Variants in DAAM1 observed in about 807,000 individuals in gnomAD.
DAAM1 encodes disheveled-associated activator of morphogenesis 1.
Under a neutral mutation model 130.0 loss-of-function variants are expected in DAAM1, and 52 were observed. The observed-to-expected ratio is 0.40, with a 90% CI of 0.32 to 0.50. The LOEUF (loss-of-function observed/expected upper bound fraction) is 0.50, where lower values mean the gene tolerates loss of function less well. DAAM1 is among the 20% of genes least tolerant of loss of function. DAAM1 has a pLI of 0.61. For missense variants in DAAM1, 1,134 were observed against 1,303.8 expected, an observed-to-expected ratio of 0.87 and a Z score of 2.01; for synonymous variants, 452 against 444.5, an observed-to-expected ratio of 1.02 and a Z score of -0.21.
At chr14:59,206,880 A>G (rs1033479350) in intron 1 of DAAM1, among the ~76,000 whole-genome samples, 1 of 152,240 alleles carries the variant, frequency 6.6e-6, no homozygotes, top group Admixed American at 6.5e-5. Flanking sequence ...CTTATTTATC[A>G]TAGCTTGCAT....
chr14:59,202,260 T>C (rs1344777145), intron 1 of DAAM1, among the ~76,000 whole-genome samples: 1 of 152,210 alleles, frequency 6.6e-6, no homozygotes, highest in Admixed American at 6.5e-5. Context: ...TTTCCCTCAG[T>C]CTGTTTCATG....
At chr14:59,253,124 C>G (rs1222892293) in intron 1 of DAAM1, among the ~76,000 whole-genome samples, 1 of 152,154 alleles carries the variant, frequency 6.6e-6, no homozygotes, top group Admixed American at 6.5e-5. Context: ...TGTAAACCAT[C>G]TTAATTCACT....
intron 16 of DAAM1, 142 bp downstream of exon 16, chr14:59,340,322 G>T: frequency 1.4e-6 from 1 of 700,166 alleles, no homozygotes; most frequent in Non-Finnish European, 2.3e-6. Flanking sequence ...AATGAGAACA[G>T]CTCTTGGTGC....
intron 1 of DAAM1, among the ~76,000 whole-genome samples, chr14:59,258,979 T>A (rs1594784375): frequency 6.6e-6 from 1 of 152,326 alleles, no homozygotes; most frequent in African/African-American, 2.4e-5. Flanking sequence ...AACTTCATAT[T>A]CTTTTGTTTA....
Position 59,369,152 on chromosome 14 carries a change from G to C in DAAM1, c.*293G>C. ...TGAGTGTGGCTCATTTTCTTTCCCC[G>C]AACGCCATGACTGTTCAGAAGCACA... On this transcript the variant is annotated 3_prime_UTR_variant, in exon 25 of 25. Coordinates refer to ENST00000360909, the MANE Select transcript of DAAM1 (RefSeq NM_001270520.2). 1 of 269,834 alleles carries C rather than the reference G, an allele frequency of 3.7e-6. No homozygotes were observed. Among genetic ancestry groups the C allele is most frequent in the Non-Finnish European group, 7.0e-6 (1 of 141,932 alleles). The allele number at this position is 269,834 out of a possible 1,614,324, so 16.7% of individuals were successfully genotyped here.
rs761811745 is a variant in DAAM1, at chr14:59,322,978, G to A, written c.527G>A (p.Arg176Gln). Reference sequence around the variant, plus strand: ...ATGGACTACGAGACCTCAGAGTCTCGAATACATACTTCTCTCATTGGCTGT... The same window carrying A: ...ATGGACTACGAGACCTCAGAGTCTCAAATACATACTTCTCTCATTGGCTGT... Reference protein sequence around the residue: ...KTMDYETSESRIHTSLIGCIK... With the variant: ...KTMDYETSESQIHTSLIGCIK... Residue 176 changes from arginine (R) to glutamine (Q), a missense_variant, in exon 6 of 25, where the codon CGA becomes CAA. Transcript: ENST00000360909. 9.4e-5 allele frequency: 151 copies of A among 1,613,916 alleles called. No individual in the cohort carries two copies. Among genetic ancestry groups the A allele is most frequent in the South Asian group, 3.2e-4 (29 of 91,066 alleles).
intron 1 of DAAM1, among the ~76,000 whole-genome samples, chr14:59,218,667 A>T (rs1335532177): frequency 6.6e-6 from 1 of 152,188 alleles, no homozygotes; most frequent in African/African-American, 2.4e-5. Context: ...TTATTTTCTG[A>T]TGGCACACAC....
Position 59,369,736 on chromosome 14 carries a change from G to T in DAAM1, c.*877G>T, listed in dbSNP as rs925783009. Reference sequence around the variant, plus strand: ...CCAAGACTTAAAGGAAGAATTCTCTGAAGGGATAAAGATTACTAAAAAAAA... The same window carrying T: ...CCAAGACTTAAAGGAAGAATTCTCTTAAGGGATAAAGATTACTAAAAAAAA... On this transcript the variant is annotated 3_prime_UTR_variant, in exon 25 of 25. Transcript: ENST00000360909. 1 of 122,082 alleles carries T rather than the reference G, an allele frequency of 8.2e-6. No homozygotes were observed. Among genetic ancestry groups the T allele is most frequent in the African/African-American group, 3.0e-5 (1 of 32,920 alleles). 7.6% of individuals were successfully genotyped at this position (122,082 alleles called of 1,614,324 possible).
At chr14:59,291,144 G>A (rs1883724067) in intron 2 of DAAM1, 73 bp from the exon 3 acceptor site, 1 of 1,221,890 alleles carries the variant, frequency 8.2e-7, no homozygotes, top group Non-Finnish European at 1.1e-6. Context: ...TTTCTTCCTT[G>A]ATGATACTGA....
intron 3 of DAAM1, among the ~76,000 whole-genome samples, chr14:59,294,250 A>G (rs975564450): frequency 2.0e-5 from 3 of 152,354 alleles, no homozygotes; most frequent in African/African-American, 7.2e-5. Context: ...GGCTCAGCCC[A>G]GTGTCTGTTT....
At chr14:59,329,937 G>A (rs939501170) in intron 12 of DAAM1, among the ~76,000 whole-genome samples, 2 of 152,192 alleles carry the variant, frequency 1.3e-5, no homozygotes, top group African/African-American at 4.8e-5. Context: ...AATACTTCAA[G>A]TAGCCTTCTG....
chr14:59,288,860 A>AGAGAGAGAGAGAGAGAGC (rs1018804753), intron 2 of DAAM1, among the ~76,000 whole-genome samples: 6 of 144,114 alleles, frequency 4.2e-5, no homozygotes, highest in African/African-American at 1.5e-4. Context: ...AGAGAGAGAG[A>AGAGAGAGAGAGAGAGAGC]GCGCGCGAAG....
intron 2 of DAAM1, chr14:59,265,918 G>T (rs527586460): frequency 6.6e-6 from 1 of 152,288 alleles, no homozygotes; most frequent in South Asian, 2.1e-4. Flanking sequence ...AGATCACATG[G>T]CCACACCTGA....
chr14:59,262,917 A>G (rs1882241163), intron 1 of DAAM1, among the ~76,000 whole-genome samples: 1 of 152,218 alleles, frequency 6.6e-6, no homozygotes, highest in African/African-American at 2.4e-5. Context: ...CAGTTACCAC[A>G]GCCTAACAGG....
intron 1 of DAAM1, among the ~76,000 whole-genome samples, chr14:59,194,418 A>G (rs1403483977): frequency 6.6e-6 from 1 of 152,230 alleles, no homozygotes; most frequent in East Asian, 1.9e-4. Flanking sequence ...TTATTTGAAA[A>G]AGGAAATGCT....
intron 4 of DAAM1, among the ~76,000 whole-genome samples, chr14:59,319,728 T>C (rs1346842078): frequency 6.6e-6 from 1 of 152,160 alleles, no homozygotes; most frequent in Non-Finnish European, 1.5e-5. Flanking sequence ...AATTTTATAA[T>C]AACAACTGCA....
At chr14:59,351,303 A>G (rs1886284941) in intron 17 of DAAM1, among the ~76,000 whole-genome samples, 1 of 152,018 alleles carries the variant, frequency 6.6e-6, no homozygotes, top group African/African-American at 2.4e-5. Flanking sequence ...ATCATTTTTA[A>G]TCTCTTCTAA....
intron 1 of DAAM1, among the ~76,000 whole-genome samples, chr14:59,259,961 G>A (rs1033408127): frequency 1.3e-5 from 2 of 152,066 alleles, no homozygotes; most frequent in East Asian, 1.9e-4. Flanking sequence ...GGAGAATGGC[G>A]TGAACCCGGG....
At chr14:59,200,947 G>C (rs1420256115) in intron 1 of DAAM1, among the ~76,000 whole-genome samples, 1 of 152,036 alleles carries the variant, frequency 6.6e-6, no homozygotes, top group African/African-American at 2.4e-5. Flanking sequence ...GGATCACGAG[G>C]TCAGGAGATC....
Sources: allele counts gnomAD v4.1 joint callset (sites outside exome capture counted in the v4.1 genomes callset), GRCh38; gene constraint gnomAD v4.1.1; transcripts MANE v1.5; gene names NCBI Gene and HGNC (gene_info 2026-07-23, HGNC 2026-07-21).